SLC28A1: variants seen among roughly 807,000 people sequenced by gnomAD.
The protein encoded by SLC28A1 is sodium/nucleoside cotransporter 1.
Under a neutral mutation model 74.8 loss-of-function variants are expected in SLC28A1, and 64 were observed. The ratio of observed to expected loss-of-function variants is 0.86; its 90% CI spans 0.70 to 1.05. The LOEUF (loss-of-function observed/expected upper bound fraction) is 1.05. Among genes scored for constraint, SLC28A1 ranks in the 50% least tolerant of loss-of-function variants. The pLI, the probability that SLC28A1 is intolerant of heterozygous loss-of-function variation, is 0.00. For synonymous variants in SLC28A1, 359 were observed against 335.0 expected (o/e 1.07, Z -0.78); for missense variants, 828 against 822.8 (o/e 1.01, Z -0.08).
downstream of SLC28A1, among the ~76,000 whole-genome samples, chr15:84,946,975 C>G (rs1354479833): frequency 6.6e-6 from 1 of 152,228 alleles, no homozygotes; most frequent in African/African-American, 2.4e-5. Flanking sequence ...TCTTTCCTAG[C>G]TGGGGCTGAC....
intron 11 of SLC28A1, 109 bp from the exon 12 acceptor site, chr15:84,923,876 C>T: frequency 2.1e-6 from 3 of 1,450,622 alleles, no homozygotes; most frequent in South Asian, 2.3e-5. Context: ...CTTACCCCAT[C>T]CTGCTGCCTC....
the SLC28A1 span, among the ~76,000 whole-genome samples, chr15:84,957,960 C>T: frequency 6.6e-6 from 1 of 152,298 alleles, no homozygotes; most frequent in African/African-American, 2.4e-5. Context: ...TGGGATGCCT[C>T]TCCGTTTGCT....
intron 6 of SLC28A1, among the ~76,000 whole-genome samples, chr15:84,898,338 G>A (rs958976210): frequency 6.6e-6 from 1 of 152,122 alleles, no homozygotes; most frequent in Non-Finnish European, 1.5e-5. Flanking sequence ...CAACACTTTG[G>A]GAGGGCGAGG....
chr15:84,970,499 G>C, the SLC28A1 span, among the ~76,000 whole-genome samples: 1 of 152,176 alleles, frequency 6.6e-6, no homozygotes, highest in Admixed American at 6.5e-5. Flanking sequence ...ATGTTGGTTG[G>C]ACAGAAAACG....
At chr15:84,894,411 C>A (rs577300518) in intron 5 of SLC28A1, among the ~76,000 whole-genome samples, 1 of 152,124 alleles carries the variant, frequency 6.6e-6, no homozygotes, top group Admixed American at 6.6e-5. Context: ...ACATCTCCCC[C>A]TCTGCTATCC....
chr15:84,974,193 T>C, the SLC28A1 span, among the ~76,000 whole-genome samples: 26 of 152,340 alleles, frequency 1.7e-4, no homozygotes, highest in Non-Finnish European at 3.8e-4. Flanking sequence ...GTGTGCTGCT[T>C]TGCATTTTGC....
chr15:84,892,942 A>T (rs377468322), intron 5 of SLC28A1, among the ~76,000 whole-genome samples: 1 of 152,100 alleles, frequency 6.6e-6, no homozygotes, highest in Admixed American at 6.6e-5. Flanking sequence ...CCCGTCCCCA[A>T]ACCAATCCCT....
intron 10 of SLC28A1, 24 bp downstream of exon 10, chr15:84,918,628 A>G: frequency 6.4e-7 from 1 of 1,563,130 alleles, no homozygotes; most frequent in East Asian, 2.2e-5. Flanking sequence ...GCCCATGGCC[A>G]GGGCTCTCCC....
At chr15:84,926,362 C>CTT (rs1204217197) in intron 12 of SLC28A1, among the ~76,000 whole-genome samples, 139 of 111,106 alleles carry the variant, frequency 1.3e-3, no homozygotes, top group African/African-American at 5.0e-3. Context: ...CCACCCCTGG[C>CTT]TATTTTTTTT....
chr15:84,890,137 C>T lies in SLC28A1; in HGVS notation c.186-306C>T, dbSNP rs113969753. Reference sequence around the variant, plus strand: ...GGTGTGAGCCACCGCGCCCCCCCACCGGCCACATTTCTGTATGTTGATGAG... The same window carrying T: ...GGTGTGAGCCACCGCGCCCCCCCACTGGCCACATTTCTGTATGTTGATGAG... On this transcript the variant is annotated intron_variant, in intron 4 of 18. Transcript: ENST00000394573. 3.9e-5 allele frequency among the ~76,000 whole-genome samples: 6 copies of T among 152,042 alleles called. No individual in the cohort carries two copies. In the Middle Eastern group the frequency reaches 0.017, roughly 431 times the overall value.
the SLC28A1 span, among the ~76,000 whole-genome samples, chr15:84,964,241 A>G: frequency 2.0e-5 from 3 of 152,096 alleles, no homozygotes; most frequent in Non-Finnish European, 4.4e-5. Flanking sequence ...TGAGGGAGGA[A>G]GGGAAGGGGA....
chr15:84,914,649 C>A (rs148410470), intron 9 of SLC28A1, among the ~76,000 whole-genome samples: 142 of 152,284 alleles, frequency 9.3e-4, no homozygotes, highest in African/African-American at 3.2e-3. Flanking sequence ...GGACCTGGCC[C>A]AGGACAAGCC....
At chr15:84,923,681 G>C (rs796552722) in intron 11 of SLC28A1, among the ~76,000 whole-genome samples, 3 of 152,280 alleles carry the variant, frequency 2.0e-5, no homozygotes, top group Admixed American at 6.5e-5. Flanking sequence ...GGAAAACGGA[G>C]ATACCCAATT....
At chr15:84,894,894 G>C in intron 5 of SLC28A1, 46 bp from the exon 6 acceptor site, 2 of 1,592,268 alleles carry the variant, frequency 1.3e-6, no homozygotes, top group Non-Finnish European at 1.7e-6. Context: ...GGGTTCTGAA[G>C]AGGTGGTGTC....
At chr15:84,921,705 AT>A (rs1345810678) in intron 11 of SLC28A1, among the ~76,000 whole-genome samples, 2 of 151,996 alleles carry the variant, frequency 1.3e-5, no homozygotes, top group Non-Finnish European at 2.9e-5. Flanking sequence ...TTTGGAGAAT[AT>A]TTTTATCTTT....
At chr15:84,921,211 A>T in intron 11 of SLC28A1, 142 bp downstream of exon 11, 1 of 723,618 alleles carries the variant, frequency 1.4e-6, no homozygotes. Context: ...CTGCTGCTCC[A>T]GGGATACTCT....
At chr15:84,911,385 A>G (rs1352056055) in intron 9 of SLC28A1, among the ~76,000 whole-genome samples, 3 of 152,160 alleles carry the variant, frequency 2.0e-5, no homozygotes, top group African/African-American at 7.2e-5. Context: ...CAAGCTCCAG[A>G]CAGGAGCAGT....
chr15:84,943,695 C>G (rs1171808237), intron 16 of SLC28A1, among the ~76,000 whole-genome samples, 169 bp downstream of exon 16: 1 of 152,018 alleles, frequency 6.6e-6, no homozygotes, highest in African/African-American at 2.4e-5. Context: ...TTGGGAGGCC[C>G]AGGTGGGTGG....
chr15:84,944,836 A>G lies in SLC28A1; in HGVS notation c.1843A>G (p.Ile615Val). The G allele has an allele frequency of 6.2e-7, 1 of 1,613,838 alleles. No individual in the cohort carries two copies. The change falls in exon 18 of 19, where the codon ATT becomes GTT. Residue 615 changes from isoleucine to valine, a missense_variant. Ile to Val is a conservative substitution (Grantham distance 29, BLOSUM62 3). This residue lies in a region of SLC28A1 where 8 missense variants were observed against 24.9 expected (regional missense o/e 0.32). Transcript: ENST00000394573. ...GACCCTCAGCAGCAGTAGCTTTGAG[A>G]TTTACCAGTGCTGCCGTGAGGCCTT... Reference protein sequence around the residue: ...NTTLSSSSFEIYQCCREAFQS... With the variant: ...NTTLSSSSFEVYQCCREAFQS...
Sources: allele counts gnomAD v4.1 joint callset (sites outside exome capture counted in the v4.1 genomes callset), GRCh38; gene constraint gnomAD v4.1.1; regional missense constraint gnomAD v4.1.1; transcripts MANE v1.5; gene names NCBI Gene and HGNC (gene_info 2026-07-23, HGNC 2026-07-21).